Variants in ALDH9A1 observed in about 807,000 individuals in gnomAD.
ALDH9A1 encodes aldehyde dehydrogenase 9 family member A1.
A neutral mutation model predicts 56.6 loss-of-function variants in ALDH9A1; 42 were observed. The ratio of observed to expected loss-of-function variants is 0.74; its 90% CI spans 0.58 to 0.96. The LOEUF is 0.96. Ranked by LOEUF, ALDH9A1 falls within the 40% of genes least tolerant of loss-of-function variation. The pLI is 0.00. For synonymous variants in ALDH9A1, 242 were observed against 236.0 expected (o/e 1.03, Z -0.23); for missense variants, 661 against 651.5 (o/e 1.01, Z -0.16).
chr1:165,697,165 CAGAGTAAATCCAGTGCCTAGCA>C (rs1650115931), intron 1 of ALDH9A1, among the ~76,000 whole-genome samples: 2 of 152,202 alleles, frequency 1.3e-5, no homozygotes, highest in Admixed American at 1.3e-4. Context: ...TCAGAGTTCC[CAGAGTAAATCCAGTGCCTAGCA>C]CAGTGCTTAG....
At chr1:165,674,901 ATGGTGGCTCATGCCAGGCG>A (rs1467491178) in intron 6 of ALDH9A1, among the ~76,000 whole-genome samples, 3 of 152,134 alleles carry the variant, frequency 2.0e-5, no homozygotes, top group Non-Finnish European at 4.4e-5. Context: ...CACACTGGGC[ATGGTGGCTCATGCCAGGCG>A]TGGTGGCTCA....
rs779642312 is a variant in ALDH9A1, at chr1:165,695,236, A to G, written c.327+16T>C. Reference sequence around the variant, plus strand: ...AGCAATGTCTGAGTTCTGGAAGGAAATAAATTGGAACATACCCTTATTATC... The same window carrying G: ...AGCAATGTCTGAGTTCTGGAAGGAAGTAAATTGGAACATACCCTTATTATC... On this transcript the variant is annotated intron_variant, in intron 2 of 10. Coordinates refer to ENST00000354775, the MANE Select transcript of ALDH9A1 (RefSeq NM_000696.4). 1.3e-6 allele frequency: 2 copies of G among 1,584,888 alleles called. No individual in the cohort carries two copies. Among genetic ancestry groups the G allele is most frequent in the Non-Finnish European group, 1.7e-6 (2 of 1,168,878 alleles).
chr1:165,677,271 T>C (rs762222591), intron 6 of ALDH9A1, among the ~76,000 whole-genome samples: 18 of 152,042 alleles, frequency 1.2e-4, no homozygotes, highest in South Asian at 6.2e-4. Flanking sequence ...GGTGGGAGGA[T>C]TGTTTGACCT....
intron 9 of ALDH9A1, 89 bp downstream of exon 9, chr1:165,667,219 TA>T: frequency 6.6e-7 from 1 of 1,524,490 alleles, no homozygotes; most frequent in Non-Finnish European, 8.9e-7. Flanking sequence ...GAGGGCAAAC[TA>T]AAGTGAGAGA....
At chr1:165,680,864 C>G (rs144780644) in intron 4 of ALDH9A1, among the ~76,000 whole-genome samples, 181 bp from the exon 5 acceptor site, 3,142 of 152,234 alleles carry the variant, frequency 0.021, 105 homozygotes, top group African/African-American at 0.072. Context: ...TAAAGACATA[C>G]CCGAAACTGG....
chr1:165,698,217 GC>G, intron 1 of ALDH9A1, 160 bp downstream of exon 1: 1 of 1,370,130 alleles, frequency 7.3e-7, no homozygotes, highest in South Asian at 1.9e-5. Context: ...CACTCGCGTT[GC>G]CCCAGAATCG....
rs758621426 is a variant in ALDH9A1 at position 165,680,500 on chromosome 1, G to T, written c.776C>A (p.Pro259His). The change falls in exon 5 of 11, where the codon CCC (proline) becomes CAC (histidine). Residue 259 changes from proline (P) to histidine (H), a missense_variant. Pro to His is a moderately conservative substitution (Grantham distance 77). Coordinates refer to ENST00000354775, the MANE Select transcript of ALDH9A1 (RefSeq NM_000696.4). ...TTTTGTCCTCACCTTCATGCCAGTG[G>T]GCACACTTCCAGTGAAGGAGACTTT... The part of the protein sequence containing the change: ...VAKVSFTGSV[P>H]TGMKIMEMSA... 6.2e-6 allele frequency: 10 copies of T among 1,613,904 alleles called. No homozygotes were observed. Among genetic ancestry groups the T allele is most frequent in the Non-Finnish European group, 7.6e-6 (9 of 1,179,980 alleles).
At chr1:165,679,304 G>A in intron 6 of ALDH9A1, 138 bp downstream of exon 6, 1 of 929,490 alleles carries the variant, frequency 1.1e-6, no homozygotes, top group Non-Finnish European at 1.6e-6. Flanking sequence ...TGGTTCAAAG[G>A]TACATGGGAA....
chr1:165,693,669 T>G (rs1480581468), intron 2 of ALDH9A1, among the ~76,000 whole-genome samples: 1 of 152,188 alleles, frequency 6.6e-6, no homozygotes, highest in Non-Finnish European at 1.5e-5. Context: ...ATTCCTCAAA[T>G]ATCTAGAACT....
chr1:165,696,704 T>C (rs1558014569), intron 1 of ALDH9A1, among the ~76,000 whole-genome samples: 2 of 152,196 alleles, frequency 1.3e-5, no homozygotes, highest in African/African-American at 4.8e-5. Flanking sequence ...AAGAATTCTT[T>C]AAGTTTGCCA....
chr1:165,675,642 T>C (rs1649334459), intron 6 of ALDH9A1, among the ~76,000 whole-genome samples: 1 of 152,248 alleles, frequency 6.6e-6, no homozygotes, highest in African/African-American at 2.4e-5. Flanking sequence ...TAGAACCATG[T>C]TTGTGTTTTG....
rs544984314 is a variant in ALDH9A1, at chr1:165,677,722, G to A, written c.930+1720C>T. Among the ~76,000 whole-genome samples the A allele has an allele frequency of 1.8e-4, 28 of 152,154 alleles. 1 individual carries two copies. Among genetic ancestry groups the A allele is most frequent in the Middle Eastern group, 3.4e-3 (1 of 294 alleles). ...AAACACAAAAAATTAGCCAGGCGTG[G>A]TGGCGGGTGCCTGTAGTCTCAGCTA... is the stretch of plus-strand genomic sequence containing the variant. On this transcript the variant is annotated intron_variant, in intron 6 of 10. Coordinates refer to ENST00000354775, the MANE Select transcript of ALDH9A1 (RefSeq NM_000696.4).
intron 6 of ALDH9A1, among the ~76,000 whole-genome samples, chr1:165,675,823 C>T (rs903377960): frequency 6.6e-6 from 1 of 152,172 alleles, no homozygotes; most frequent in East Asian, 1.9e-4. Flanking sequence ...AGTATTCTGA[C>T]TATACTCTCA....
At position 165,663,002 on chromosome 1, in the gene ALDH9A1, C is replaced by G. The variant is rs1354420248; in HGVS notation, c.*48G>C. ...ACTGCCTCTGTAAACAGGGCCAATT[C>G]ACATCATTCCACAGCGTGGCCATGT... On this transcript the variant is annotated 3_prime_UTR_variant, in exon 11 of 11. Coordinates refer to ENST00000354775, the MANE Select transcript of ALDH9A1 (RefSeq NM_000696.4). 1 of 1,520,508 alleles carries G rather than the reference C, an allele frequency of 6.6e-7. No individual in the cohort carries two copies. Among genetic ancestry groups the G allele is most frequent in the East Asian group, 2.3e-5 (1 of 44,408 alleles). 94.2% of individuals were successfully genotyped at this position (1,520,508 alleles called of 1,614,324 possible).
chr1:165,687,024 T>C (rs1019754810), intron 2 of ALDH9A1, among the ~76,000 whole-genome samples: 1 of 151,990 alleles, frequency 6.6e-6, no homozygotes, highest in Non-Finnish European at 1.5e-5. Context: ...AAGACCCAAA[T>C]TAATCTAGAG....
intron 1 of ALDH9A1, 108 bp downstream of exon 1, chr1:165,698,270 T>G: frequency 6.1e-6 from 9 of 1,464,244 alleles, no homozygotes; most frequent in Non-Finnish European, 8.1e-6. Flanking sequence ...CCACTGTCAC[T>G]GTCTTGTGCT....
intron 2 of ALDH9A1, among the ~76,000 whole-genome samples, chr1:165,691,376 T>C (rs772450108): frequency 2.0e-5 from 3 of 152,154 alleles, no homozygotes; most frequent in Non-Finnish European, 4.4e-5. Context: ...AAACCCCATA[T>C]GTAGGTCAGC....
chr1:165,675,956 T>C (rs1054221638), intron 6 of ALDH9A1, among the ~76,000 whole-genome samples: 7 of 152,226 alleles, frequency 4.6e-5, no homozygotes, highest in Non-Finnish European at 2.9e-5. Context: ...TATTCTATGA[T>C]GAGCAATTAG....
intron 6 of ALDH9A1, among the ~76,000 whole-genome samples, chr1:165,671,918 A>T (rs777676132): frequency 2.0e-4 from 30 of 152,342 alleles, no homozygotes; most frequent in Middle Eastern, 3.4e-3. Flanking sequence ...ACCCAATAGG[A>T]TGACTATTAT....
Sources: allele counts gnomAD v4.1 joint callset (sites outside exome capture counted in the v4.1 genomes callset), GRCh38; gene constraint gnomAD v4.1.1; transcripts MANE v1.5; gene names NCBI Gene and HGNC (gene_info 2026-07-23, HGNC 2026-07-21).